The following USP42 variants were observed in gnomAD, a reference collection of about 807,000 sequenced individuals.
USP42 encodes the protein ubiquitin carboxyl-terminal hydrolase 42.
In USP42, 23 loss-of-function variants were observed where a neutral mutation model predicts 113.0. That is an observed-to-expected ratio of 0.20 (90% confidence interval 0.15 to 0.29). The LOEUF is 0.29. Among genes scored for constraint, USP42 ranks in the 10% least tolerant of loss-of-function variants. The pLI, the probability that USP42 is intolerant of heterozygous loss-of-function variation, is 1.00. For missense variants in USP42, 2,174 were observed against 1,779.8 expected (o/e 1.22, Z -3.99); for synonymous variants, 933 against 699.0 (o/e 1.33, Z -5.28).
At chr7:6,108,444 C>T (rs1324241029) in intron 1 of USP42, among the ~76,000 whole-genome samples, 1 of 152,096 alleles carries the variant, frequency 6.6e-6, no homozygotes, top group Non-Finnish European at 1.5e-5. Flanking sequence ...TTTATTATCC[C>T]TACTTCATAG....
chr7:6,137,524 A>G (rs754376621), intron 4 of USP42, among the ~76,000 whole-genome samples: 50 of 152,070 alleles, frequency 3.3e-4, no homozygotes, highest in Non-Finnish European at 4.7e-4. Context: ...ACACCTGGCT[A>G]ATTTTGTAGT....
Position 6,130,537 on chromosome 7 carries a change from G to T in USP42, c.443-5304G>T, listed in dbSNP as rs574353054. On this transcript the variant is annotated intron_variant, in intron 3 of 17. Coordinates refer to ENST00000306177, the MANE Select transcript of USP42 (RefSeq NM_032172.3). Reference sequence around the variant, plus strand: ...CCACATGATTGTCACAACGTGGGGTGGGACAGGGTTTGTTCATCCAGTATG... The same window carrying T: ...CCACATGATTGTCACAACGTGGGGTTGGACAGGGTTTGTTCATCCAGTATG... 4.1e-4 allele frequency among the ~76,000 whole-genome samples: 63 copies of T among 152,256 alleles called. 2 individuals carry two copies. The South Asian group carries it at 0.012, about 29-fold the overall frequency.
Position 6,139,904 on chromosome 7 carries a change from C to T in USP42, c.657-224C>T. On this transcript the variant is annotated intron_variant, in intron 5 of 17. Coordinates refer to ENST00000306177, the MANE Select transcript of USP42 (RefSeq NM_032172.3). This position sits in a 1 kb window ranked among gnomAD's most constrained non-coding sequence, Gnocchi z 4.5. ...TTCCCGAGTCCCTTCCTGACAGACA[C>T]AGCTCCCACAGCTCTGCGTCTCCTC... is the stretch of plus-strand genomic sequence containing the variant. 3.5e-6 allele frequency: 2 copies of T among 575,526 alleles called. No homozygotes were observed. The highest frequency in any genetic ancestry group is 6.2e-6 in the Non-Finnish European group (2 of 322,680). The allele number at this position is 575,526 out of a possible 1,614,324, so 35.7% of individuals were successfully genotyped here.
chr7:6,144,063 TTTTGTTTCTG>T lies in USP42; in HGVS notation c.879-13_879-4del, dbSNP rs768494973. The T allele has an allele frequency of 6.8e-7, 1 of 1,468,040 alleles. No homozygotes were observed. The highest frequency in any genetic ancestry group is 1.5e-5 in the African/African-American group (1 of 68,628). 90.9% of individuals were successfully genotyped at this position (1,468,040 alleles called of 1,614,324 possible). On this transcript the variant is annotated splice_polypyrimidine_tract_variant and intron_variant, in intron 8 of 17. Transcript: ENST00000306177. ...TGTGTATATATTCGTCTTCTTATAC[TTTTGTTTCTG>T]TTTGTTTCAAGGTGTAAAAAGATGG...
At chr7:6,143,176 C>T (rs975773645) in intron 8 of USP42, among the ~76,000 whole-genome samples, 162 bp downstream of exon 8, 5 of 152,092 alleles carry the variant, frequency 3.3e-5, no homozygotes, top group African/African-American at 7.2e-5. Context: ...CCCGGAGTGT[C>T]TTGATGTGTG....
intron 1 of USP42, among the ~76,000 whole-genome samples, chr7:6,107,954 T>G (rs1779383613): frequency 6.6e-6 from 1 of 152,178 alleles, no homozygotes; most frequent in Non-Finnish European, 1.5e-5. Context: ...TGTATTTTTT[T>G]GGGTGATAAT....
rs1052815610 is a variant in USP42 at position 6,154,183 on chromosome 7, G to A, written c.2629G>A (p.Gly877Arg). The A allele has an allele frequency of 1.2e-6, 2 of 1,600,440 alleles. No individual in the cohort carries two copies. The highest frequency in any genetic ancestry group is 1.3e-5 in the African/African-American group (1 of 74,896). Reference sequence around the variant, plus strand: ...GCAGCCACTCCTTGTTCACCCCAGCGGGGACCACGCCCGGGACGCTCAGGA... The same window carrying A: ...GCAGCCACTCCTTGTTCACCCCAGCAGGGACCACGCCCGGGACGCTCAGGA... ...CEQPLLVHPS[G>R]DHARDAQDPS... is the part of the protein sequence containing the mutation. Residue 877 changes from glycine (G) to arginine (R), a missense_variant, in exon 15 of 18, where the codon GGG becomes AGG. Gly to Arg is a moderately radical substitution (Grantham distance 125). Transcript: ENST00000306177.
upstream of USP42, among the ~76,000 whole-genome samples, chr7:6,104,530 T>C (rs1355342188): frequency 6.6e-6 from 1 of 152,202 alleles, no homozygotes; most frequent in Non-Finnish European, 1.5e-5. Context: ...GACTCCTGCG[T>C]CCCCAGGTGC....
the USP42 span, among the ~76,000 whole-genome samples, chr7:6,086,824 C>G: frequency 0.012 from 1,759 of 150,654 alleles, 144 homozygotes; most frequent in African/African-American, 0.041. Context: ...TCTCCCAGTT[C>G]AAGCAATTCT....
chr7:6,135,077 A>G lies in USP42; in HGVS notation c.443-764A>G, dbSNP rs563104082. On this transcript the variant is annotated intron_variant, in intron 3 of 17. Transcript: ENST00000306177. ...AGTGCTGAGATGATAGGCATGAGCCATGGCGCCTGGCTTCCACAGTGATGT... is the reference window on the plus strand; with the variant it reads ...AGTGCTGAGATGATAGGCATGAGCCGTGGCGCCTGGCTTCCACAGTGATGT... 4.6e-5 allele frequency among the ~76,000 whole-genome samples: 7 copies of G among 152,316 alleles called. 1 individual carries two copies. Among genetic ancestry groups the G allele is most frequent in the African/African-American group, 1.7e-4 (7 of 41,586 alleles).
chr7:6,098,673 T>C, the USP42 span, among the ~76,000 whole-genome samples: 631 of 150,528 alleles, frequency 4.2e-3, 25 homozygotes, highest in Admixed American at 0.036. Context: ...TGCCTCAGCC[T>C]CCTGAGTAGC....
chr7:6,093,378 C>T, the USP42 span, among the ~76,000 whole-genome samples: 2 of 150,250 alleles, frequency 1.3e-5, no homozygotes, highest in Non-Finnish European at 2.9e-5. Flanking sequence ...CTCCACCTCC[C>T]GAGTTCAAGT....
At chr7:6,095,938 A>G in the USP42 span, among the ~76,000 whole-genome samples, 6 of 149,004 alleles carry the variant, frequency 4.0e-5, no homozygotes, top group African/African-American at 1.3e-4. Flanking sequence ...TTTTTAATTT[A>G]TTTTTTTGTA....
At chr7:6,104,708 T>C (rs1779155507), upstream of USP42, among the ~76,000 whole-genome samples, 1 of 152,146 alleles carries the variant, frequency 6.6e-6, no homozygotes, top group African/African-American at 2.4e-5. Context: ...GCGCTCCCTC[T>C]GCCGGCCCGA....
intron 3 of USP42, among the ~76,000 whole-genome samples, chr7:6,127,867 C>T (rs550138186): frequency 1.1e-4 from 17 of 152,206 alleles, no homozygotes; most frequent in Admixed American, 4.6e-4. Flanking sequence ...TTTACTATGT[C>T]CCTGAAGTCT....
At chr7:6,081,688 C>T in the USP42 span, 1 of 152,380 alleles carries the variant, frequency 6.6e-6, no homozygotes, top group South Asian at 2.1e-4. Context: ...GGACGGCGGC[C>T]TGCGGAGGTC....
At position 6,157,293 on chromosome 7, in the gene USP42, C is replaced by A; in HGVS notation, c.3943+238C>A. On this transcript the variant is annotated intron_variant, in intron 16 of 17. Transcript: ENST00000306177. The surrounding 1 kb of genome is among the most constrained non-coding windows in gnomAD (Gnocchi z 4.1). ...AAGTGACACAGGACTGAGGGCAGCACTACCTGTGTCACCAAAGCCCTGGAA... is the reference window on the plus strand; with the variant it reads ...AAGTGACACAGGACTGAGGGCAGCAATACCTGTGTCACCAAAGCCCTGGAA... 1 of 1,210,862 alleles carries A rather than the reference C, an allele frequency of 8.3e-7. No homozygotes were observed. Among genetic ancestry groups the A allele is most frequent in the Non-Finnish European group, 1.0e-6 (1 of 974,514 alleles). The allele number at this position is 1,210,862 out of a possible 1,614,324, so 75.0% of individuals were successfully genotyped here. A position where few individuals can be genotyped will look rare whatever the true frequency, so the allele number is the denominator to read the frequency against.
Position 6,154,246 on chromosome 7 carries a change from C to T in USP42, c.2692C>T (p.Arg898Trp), listed in dbSNP as rs373861053. Residue 898 changes from arginine to tryptophan, a missense_variant, in exon 15 of 18, where the codon CGG (arginine) becomes TGG (tryptophan). By Grantham distance (101) the Arg-to-Trp change is moderately radical. Transcript: ENST00000306177. ...QSLGAPEAAERPPAPVLDMAP... is the reference protein window; with the variant it reads ...QSLGAPEAAEWPPAPVLDMAP... ...CTTGGGCGCACCCGAGGCCGCAGAG[C>T]GGCCGCCAGCTCCTGTGCTGGACAT... 3.1e-6 allele frequency: 5 copies of T among 1,603,444 alleles called. No homozygotes were observed. The highest frequency in any genetic ancestry group is 4.2e-6 in the Non-Finnish European group (5 of 1,176,902).
rs972666731 is a variant in USP42 at position 6,159,785 on chromosome 7, G to A, written c.*36+292G>A. On this transcript the variant is annotated intron_variant, in intron 17 of 17. Transcript: ENST00000306177. This position sits in a 1 kb window ranked among gnomAD's most constrained non-coding sequence, Gnocchi z 4.1. ...TGCCTCACTTGGGAAAAGCCAACCC[G>A]GCTCACAGCGGCAGAGCCCACGGGC... is the stretch of plus-strand genomic sequence containing the variant. Among the ~76,000 whole-genome samples, 1 of 152,234 alleles carries A rather than the reference G, an allele frequency of 6.6e-6. No homozygotes were observed. The highest frequency in any genetic ancestry group is 2.4e-5 in the African/African-American group (1 of 41,456).
Sources: gnomAD v4.1 joint callset for allele counts (sites outside exome capture counted in the v4.1 genomes callset) on GRCh38, gnomAD v4.1.1 for gene constraint, Gnocchi (gnomAD v3.1) non-coding constraint, MANE v1.5 for transcripts, NCBI Gene and HGNC (gene_info 2026-07-23, HGNC 2026-07-21) for gene names.